The following ZNF804A variants were observed in gnomAD, a reference collection of about 807,000 sequenced individuals.
ZNF804A encodes the protein zinc finger protein 804A.
Under a neutral mutation model 16.5 loss-of-function variants are expected in ZNF804A, and 2 were observed. That is an observed-to-expected ratio of 0.12 (90% CI 0.05 to 0.38). The LOEUF is 0.38. ZNF804A is among the 10% of genes least tolerant of loss of function. The pLI, the probability that ZNF804A is intolerant of heterozygous loss-of-function variation, is 0.99. For synonymous variants in ZNF804A, 534 were observed against 489.6 expected (o/e 1.09, Z -1.20); for missense variants, 1,473 against 1,390.7 (o/e 1.06, Z -0.94).
chr2:184,803,774 T>G (rs919470831), intron 1 of ZNF804A, among the ~76,000 whole-genome samples: 1 of 152,126 alleles, frequency 6.6e-6, no homozygotes, highest in Non-Finnish European at 1.5e-5. Flanking sequence ...CAGGTGTTGT[T>G]TGGTTTGGAG....
At chr2:184,844,087 T>C (rs1574237653) in intron 1 of ZNF804A, among the ~76,000 whole-genome samples, 1 of 152,088 alleles carries the variant, frequency 6.6e-6, no homozygotes, top group Non-Finnish European at 1.5e-5. Flanking sequence ...ACAATGTACA[T>C]TTTTACTAAT....
At chr2:184,905,019 T>G (rs77076543) in intron 2 of ZNF804A, among the ~76,000 whole-genome samples, 1,748 of 152,224 alleles carry the variant, frequency 0.011, 18 homozygotes, top group Middle Eastern at 0.037. Flanking sequence ...GAATTTATTC[T>G]GTTCTGCAAC....
chr2:184,774,963 C>T (rs1166924489), intron 1 of ZNF804A, among the ~76,000 whole-genome samples: 2 of 151,198 alleles, frequency 1.3e-5, no homozygotes, highest in African/African-American at 4.9e-5. Context: ...TTGCACTTTA[C>T]ATGAAAATGA....
chr2:184,874,359 T>C (rs1321009061), intron 2 of ZNF804A, among the ~76,000 whole-genome samples: 1 of 152,114 alleles, frequency 6.6e-6, no homozygotes, highest in Non-Finnish European at 1.5e-5. Context: ...CTTTATGTGA[T>C]TGCATACATC....
chr2:184,668,853 T>C (rs7597593), intron 1 of ZNF804A, among the ~76,000 whole-genome samples: 80,482 of 151,742 alleles, frequency 0.53, 22,399 homozygotes, highest in Non-Finnish European at 0.61. Flanking sequence ...TCATTAATGT[T>C]GTAAATAGTA....
At chr2:184,788,485 A>C (rs1694484847) in intron 1 of ZNF804A, among the ~76,000 whole-genome samples, 1 of 151,840 alleles carries the variant, frequency 6.6e-6, no homozygotes, top group African/African-American at 2.4e-5. Flanking sequence ...ACAATTTTGC[A>C]TTTGCTGGTG....
chr2:184,753,477 A>T (rs967830447), intron 1 of ZNF804A, among the ~76,000 whole-genome samples: 1 of 151,652 alleles, frequency 6.6e-6, no homozygotes, highest in South Asian at 2.1e-4. Flanking sequence ...ATCAATGTTT[A>T]AAAAAATGGG....
intron 1 of ZNF804A, among the ~76,000 whole-genome samples, chr2:184,775,631 A>G (rs941718313): frequency 6.6e-6 from 1 of 151,670 alleles, no homozygotes; most frequent in Admixed American, 6.6e-5. Context: ...TAAACAACAA[A>G]TTGTTCTTCT....
chr2:184,749,577 T>C, intron 1 of ZNF804A, among the ~76,000 whole-genome samples: 1 of 151,284 alleles, frequency 6.6e-6, no homozygotes, highest in Non-Finnish European at 1.5e-5. Context: ...TTTCTTTCTC[T>C]TGCCTCATTA....
chr2:184,755,742 A>T (rs897293979), intron 1 of ZNF804A, among the ~76,000 whole-genome samples: 10 of 151,972 alleles, frequency 6.6e-5, no homozygotes, highest in Non-Finnish European at 1.3e-4. Flanking sequence ...AATTCTTGAT[A>T]CATTTGTAAA....
At chr2:184,866,292 T>G in intron 1 of ZNF804A, 77 bp from the exon 2 acceptor site, 1 of 1,383,796 alleles carries the variant, frequency 7.2e-7, no homozygotes, top group African/African-American at 1.5e-5. Flanking sequence ...ATTATTGTAC[T>G]ATAGTTGACA....
At chr2:184,888,940 G>A (rs1684939336) in intron 2 of ZNF804A, among the ~76,000 whole-genome samples, 1 of 151,506 alleles carries the variant, frequency 6.6e-6, no homozygotes. Context: ...GTGTGTATGT[G>A]TGTATAATAA....
At chr2:184,801,120 A>G (rs896346276) in intron 1 of ZNF804A, among the ~76,000 whole-genome samples, 1 of 152,144 alleles carries the variant, frequency 6.6e-6, no homozygotes, top group Non-Finnish European at 1.5e-5. Context: ...TTGTTTCAAC[A>G]CGTCAAATAT....
intron 1 of ZNF804A, among the ~76,000 whole-genome samples, chr2:184,650,118 A>G (rs1459077588): frequency 3.3e-5 from 5 of 152,156 alleles, no homozygotes; most frequent in Admixed American, 3.3e-4. Flanking sequence ...ACTATGATCA[A>G]GTAGGCTTCA....
At chr2:184,740,787 G>T (rs1011262189) in intron 1 of ZNF804A, among the ~76,000 whole-genome samples, 1 of 152,084 alleles carries the variant, frequency 6.6e-6, no homozygotes, top group East Asian at 1.9e-4. Context: ...CAACCATAAA[G>T]ACAGAATATA....
intron 2 of ZNF804A, among the ~76,000 whole-genome samples, chr2:184,892,365 T>C (rs1348594292): frequency 6.6e-6 from 1 of 152,034 alleles, no homozygotes; most frequent in Non-Finnish European, 1.5e-5. Flanking sequence ...GTAATGTGCA[T>C]TTTTTGGGTT....
At chr2:184,845,444 A>G (rs147492730) in intron 1 of ZNF804A, among the ~76,000 whole-genome samples, 6 of 151,750 alleles carry the variant, frequency 4.0e-5, no homozygotes. Context: ...CCTTTATTCC[A>G]TTTTTGGCTA....
chr2:184,817,774 T>C (rs937110080), intron 1 of ZNF804A, among the ~76,000 whole-genome samples: 9 of 151,916 alleles, frequency 5.9e-5, no homozygotes, highest in African/African-American at 2.2e-4. Flanking sequence ...CAGGTATCAA[T>C]ACCAGAATAC....
chr2:184,685,215 T>C (rs1171617525), intron 1 of ZNF804A, among the ~76,000 whole-genome samples: 1 of 152,084 alleles, frequency 6.6e-6, no homozygotes, highest in Non-Finnish European at 1.5e-5. Flanking sequence ...GGACCAGATG[T>C]ACCACATGTG....
Sources: gnomAD v4.1 joint callset for allele counts (sites outside exome capture counted in the v4.1 genomes callset) on GRCh38, gnomAD v4.1.1 for gene constraint, MANE v1.5 for transcripts, NCBI Gene and HGNC (gene_info 2026-07-23, HGNC 2026-07-21) for gene names.